SYTL5: variants seen among roughly 807,000 people sequenced by gnomAD.
The protein encoded by SYTL5 is synaptotagmin like 5.
SYTL5 carries 34 observed loss-of-function variants against 55.9 expected under a neutral mutation model. That is an observed-to-expected ratio of 0.61 (90% confidence interval 0.46 to 0.81). SYTL5 has a LOEUF of 0.81. Among genes scored for constraint, SYTL5 ranks in the 30% least tolerant of loss-of-function variants. The pLI is 0.00. For synonymous variants in SYTL5, 221 were observed against 188.7 expected (o/e 1.17, Z -1.40); for missense variants, 637 against 546.7 (o/e 1.17, Z -1.65).
At chrX:38,065,179 A>G (rs17147097) in intron 3 of SYTL5, among the ~76,000 whole-genome samples, 31,327 of 110,754 alleles carry the variant, frequency 0.28, 3,667 homozygotes, top group African/African-American at 0.41. Context: ...GCTGATACAT[A>G]ATTTTTGTCC....
intron 14 of SYTL5, among the ~76,000 whole-genome samples, chrX:38,121,680 G>T (rs1193566345): frequency 8.9e-6 from 1 of 112,266 alleles, no homozygotes; most frequent in Non-Finnish European, 1.9e-5. Flanking sequence ...ATATCAAAGG[G>T]AGTTATTGAA....
rs1555923818 is a variant in SYTL5, at chrX:38,037,825, G to GATAA, written c.119+3820_119+3821insAATA. The stretch of plus-strand genomic sequence containing the variant: ...AGATAGATAGATAGATAGATAGATA[G>GATAA]ATAGATAGATAAAAATATTTATTAT... On this transcript the variant is annotated intron_variant, in intron 2 of 16. Transcript: ENST00000297875. 4.4e-3 allele frequency among the ~76,000 whole-genome samples: 356 copies of GATAA among 80,014 alleles called. 6 individuals carry two copies. The highest frequency in any genetic ancestry group is 0.016 in the South Asian group (36 of 2,279). 69.5% of individuals were successfully genotyped at this position (80,014 alleles called of 115,157 possible).
chrX:38,061,657 T>G (rs763055027), intron 3 of SYTL5, among the ~76,000 whole-genome samples: 8 of 112,081 alleles, frequency 7.1e-5, no homozygotes, highest in Non-Finnish European at 1.5e-4. Flanking sequence ...GAAGGTTACC[T>G]GTTATAATGG....
the SYTL5 span, among the ~76,000 whole-genome samples, chrX:37,901,268 T>G: frequency 0.21 from 23,789 of 111,174 alleles, 5,039 homozygotes; most frequent in African/African-American, 0.66. Flanking sequence ...CTCCCTCAGG[T>G]GATCCGGGCA....
chrX:37,909,922 G>T, the SYTL5 span, among the ~76,000 whole-genome samples: 3 of 110,667 alleles, frequency 2.7e-5, no homozygotes, highest in Non-Finnish European at 5.7e-5. Context: ...TAATCCACCC[G>T]CCTCAGCCTC....
At chrX:38,001,853 GT>G (rs1321842046), upstream of SYTL5, among the ~76,000 whole-genome samples, 3 of 110,956 alleles carry the variant, frequency 2.7e-5, no homozygotes, top group Non-Finnish European at 5.7e-5. Flanking sequence ...TCTATTTTGA[GT>G]TTTTTTAAAT....
At chrX:38,015,868 A>C (rs2147116722) in intron 1 of SYTL5, among the ~76,000 whole-genome samples, 1 of 111,294 alleles carries the variant, frequency 9.0e-6, no homozygotes, top group African/African-American at 3.3e-5. Context: ...TGATTTGTGA[A>C]CTTTTTCTAG....
At chrX:38,062,150 A>T (rs1935967342) in intron 3 of SYTL5, among the ~76,000 whole-genome samples, 1 of 110,416 alleles carries the variant, frequency 9.1e-6, no homozygotes, top group Non-Finnish European at 1.9e-5. Context: ...TTGTATTTTT[A>T]GTAGAGATGG....
chrX:37,892,559 A>G, the SYTL5 span, among the ~76,000 whole-genome samples: 13 of 97,064 alleles, frequency 1.3e-4, no homozygotes, highest in South Asian at 1.7e-3. Flanking sequence ...TTATATATAC[A>G]TATATTGTAT....
intron 1 of SYTL5, among the ~76,000 whole-genome samples, chrX:38,013,997 C>G (rs1486605580): frequency 3.6e-5 from 4 of 111,475 alleles, no homozygotes; most frequent in African/African-American, 1.3e-4. Flanking sequence ...CCTCTCTACC[C>G]TCTCCACACT....
chrX:37,914,092 G>A, the SYTL5 span, among the ~76,000 whole-genome samples: 12 of 111,907 alleles, frequency 1.1e-4, no homozygotes, highest in Non-Finnish European at 1.9e-4. Flanking sequence ...ACTATTGTAT[G>A]AATGTGGATC....
chrX:37,927,875 C>T, the SYTL5 span, among the ~76,000 whole-genome samples: 1 of 111,664 alleles, frequency 9.0e-6, no homozygotes, highest in African/African-American at 3.3e-5. Flanking sequence ...TCTATAGCAT[C>T]AGTCAAGCCA....
chrX:38,067,048 C>T (rs773590112), intron 3 of SYTL5, among the ~76,000 whole-genome samples: 1 of 111,712 alleles, frequency 9.0e-6, no homozygotes, highest in Non-Finnish European at 1.9e-5. Flanking sequence ...TGCCTCCTGA[C>T]AAGACGTGAC....
intron 6 of SYTL5, among the ~76,000 whole-genome samples, chrX:38,085,938 C>A (rs1936652077): frequency 9.0e-6 from 1 of 111,284 alleles, no homozygotes; most frequent in Non-Finnish European, 1.9e-5. Flanking sequence ...CCCCTATTAA[C>A]CTCAATAGGG....
chrX:38,103,232 G>T, intron 10 of SYTL5: 1 of 413,585 alleles, frequency 2.4e-6, no homozygotes, highest in Non-Finnish European at 4.1e-6. Context: ...TCTTCTAAAA[G>T]ATTGATGAGA....
At chrX:37,956,762 A>G in the SYTL5 span, among the ~76,000 whole-genome samples, 1 of 111,971 alleles carries the variant, frequency 8.9e-6, no homozygotes. Context: ...GAGCGCAGAT[A>G]TGCCTTCGGG....
At chrX:38,087,136 G>A (rs1399304144) in intron 6 of SYTL5, among the ~76,000 whole-genome samples, 4 of 111,239 alleles carry the variant, frequency 3.6e-5, no homozygotes. Context: ...ACACCCACAT[G>A]AGTCCCTTTG....
At chrX:38,063,775 C>A (rs1432610266) in intron 3 of SYTL5, among the ~76,000 whole-genome samples, 1 of 111,896 alleles carries the variant, frequency 8.9e-6, no homozygotes, top group South Asian at 3.7e-4. Context: ...GTTACATTCC[C>A]TTAATGCATC....
intron 3 of SYTL5, among the ~76,000 whole-genome samples, chrX:38,062,073 T>G (rs940949105): frequency 9.0e-6 from 1 of 111,075 alleles, no homozygotes; most frequent in East Asian, 2.8e-4. Flanking sequence ...GTTCAAGTGA[T>G]TCTCCTGCCT....
Sources: gnomAD v4.1 joint callset for allele counts (sites outside exome capture counted in the v4.1 genomes callset) on GRCh38, gnomAD v4.1.1 for gene constraint, MANE v1.5 for transcripts, NCBI Gene and HGNC (gene_info 2026-07-23, HGNC 2026-07-21) for gene names.